Variants in ST3GAL3 observed in about 807,000 individuals in gnomAD.
The protein encoded by ST3GAL3 is ST3 beta-galactoside alpha-2,3-sialyltransferase 3.
ST3GAL3 carries 21 observed loss-of-function variants against 50.1 expected under a neutral mutation model. That is an observed-to-expected ratio of 0.42 (90% CI 0.30 to 0.60). ST3GAL3 has a LOEUF of 0.60. Among genes scored for constraint, ST3GAL3 ranks in the 20% least tolerant of loss-of-function variants. ST3GAL3 has a pLI of 0.19. For synonymous variants in ST3GAL3, 183 were observed against 190.0 expected (o/e 0.96, Z 0.30); for missense variants, 353 against 489.4 (o/e 0.72, Z 2.63).
chr1:43,862,547 C>T (rs1211415972), intron 5 of ST3GAL3, among the ~76,000 whole-genome samples: 1 of 151,968 alleles, frequency 6.6e-6, no homozygotes, highest in Admixed American at 6.6e-5. Context: ...TCTGCCATGT[C>T]CAGGCCCACT....
chr1:43,817,079 G>A (rs945588187), intron 4 of ST3GAL3, among the ~76,000 whole-genome samples: 2 of 152,184 alleles, frequency 1.3e-5, no homozygotes, highest in African/African-American at 2.4e-5. Context: ...TATAGGAAAG[G>A]ACCTGAACTT....
At position 43,882,855 on chromosome 1, in the gene ST3GAL3, A is replaced by G. The variant is rs139376877; in HGVS notation, c.303-11528A>G. The stretch of plus-strand genomic sequence containing the variant: ...TATAGGTCACTATCTTAGAGAAAAA[A>G]AGAGACTCCCACAGCCCCCAGCGTC... On this transcript the variant is annotated intron_variant, in intron 5 of 11. Transcript: ENST00000347631. 2.4e-3 allele frequency among the ~76,000 whole-genome samples: 364 copies of G among 152,292 alleles called. 1 individual carries two copies. The highest frequency in any genetic ancestry group is 8.4e-3 in the African/African-American group (350 of 41,552).
At chr1:43,911,204 C>G (rs1047163931) in intron 9 of ST3GAL3, 2 of 151,690 alleles carry the variant, frequency 1.3e-5, no homozygotes, top group African/African-American at 4.9e-5. Context: ...TGTAGTGGCA[C>G]GATCTCAGCT....
chr1:43,843,814 C>G (rs543877340), intron 5 of ST3GAL3, among the ~76,000 whole-genome samples: 13 of 152,318 alleles, frequency 8.5e-5, no homozygotes, highest in Non-Finnish European at 1.6e-4. Context: ...TCAGCAGACA[C>G]TAATGGGTGT....
chr1:43,832,790 C>T (rs1246513009), intron 4 of ST3GAL3, among the ~76,000 whole-genome samples: 1 of 152,180 alleles, frequency 6.6e-6, no homozygotes, highest in African/African-American at 2.4e-5. Context: ...TTTCCCTCCT[C>T]ATGTCATTAT....
chr1:43,926,260 C>T (rs1405954319), intron 11 of ST3GAL3, among the ~76,000 whole-genome samples: 7 of 152,124 alleles, frequency 4.6e-5, no homozygotes, highest in Non-Finnish European at 8.8e-5. Context: ...GACCCTTGAA[C>T]GTGGATACTT....
chr1:43,766,606 G>A (rs1350359352), intron 2 of ST3GAL3, among the ~76,000 whole-genome samples: 2 of 152,074 alleles, frequency 1.3e-5, no homozygotes, highest in African/African-American at 2.4e-5. Context: ...GTGGGGGGCG[G>A]GGAGTAGTGA....
chr1:43,832,972 G>A (rs941956497), intron 4 of ST3GAL3, among the ~76,000 whole-genome samples: 2 of 152,140 alleles, frequency 1.3e-5, no homozygotes, highest in African/African-American at 2.4e-5. Flanking sequence ...TTAAGCTGCT[G>A]GGTTGTTAGG....
At position 43,728,482 on chromosome 1, in the gene ST3GAL3, C is replaced by T. The variant is rs183759940; in HGVS notation, c.-30-7751C>T. Among the ~76,000 whole-genome samples, 24 of 152,236 alleles carry T rather than the reference C, an allele frequency of 1.6e-4. No homozygotes were observed. The East Asian group carries it at 2.5e-3, about 16-fold the overall frequency. ...TTGGGGGGGTGGGCACAGTGGCGCA[C>T]GCCTGTAATCCCAGCACTTTGGGAG... On this transcript the variant is annotated intron_variant, in intron 1 of 11. Coordinates refer to ENST00000347631, the MANE Select transcript of ST3GAL3 (RefSeq NM_006279.5).
intron 1 of ST3GAL3, among the ~76,000 whole-genome samples, chr1:43,722,707 G>T (rs1671070180): frequency 6.6e-6 from 1 of 152,152 alleles, no homozygotes; most frequent in Non-Finnish European, 1.5e-5. Context: ...GAGTGAGGAG[G>T]AGTCTAGTGT....
At chr1:43,912,098 G>A (rs1227557485) in intron 9 of ST3GAL3, 1 of 152,186 alleles carries the variant, frequency 6.6e-6, no homozygotes, top group Non-Finnish European at 1.5e-5. Context: ...AACCTACATG[G>A]ATATGGTGGC....
At chr1:43,901,777 T>G (rs927650756) in intron 9 of ST3GAL3, among the ~76,000 whole-genome samples, 1 of 152,140 alleles carries the variant, frequency 6.6e-6, no homozygotes, top group African/African-American at 2.4e-5. Context: ...AGCCTTGTAT[T>G]GGTGAGAACT....
chr1:43,710,363 T>C (rs1664070410), intron 1 of ST3GAL3, among the ~76,000 whole-genome samples: 1 of 152,216 alleles, frequency 6.6e-6, no homozygotes, highest in African/African-American at 2.4e-5. Context: ...ATTATAGGCA[T>C]GAGCCACCAT....
At chr1:43,856,895 T>C (rs2068500202) in intron 5 of ST3GAL3, among the ~76,000 whole-genome samples, 1 of 152,188 alleles carries the variant, frequency 6.6e-6, no homozygotes, top group Non-Finnish European at 1.5e-5. Flanking sequence ...TTGCTCTATC[T>C]TCCAATTCTC....
intron 5 of ST3GAL3, among the ~76,000 whole-genome samples, chr1:43,862,062 C>A (rs562204704): frequency 2.0e-4 from 30 of 151,768 alleles, no homozygotes; most frequent in African/African-American, 6.8e-4. Context: ...ACAACTACTG[C>A]TTTTACTTCA....
At chr1:43,756,117 AAGAAG>A (rs1687989655) in intron 2 of ST3GAL3, among the ~76,000 whole-genome samples, 1 of 91,132 alleles carries the variant, frequency 1.1e-5, no homozygotes, top group African/African-American at 3.0e-5. Flanking sequence ...AAAAAAAAAA[AAGAAG>A]AAGAAGAAAA....
At chr1:43,871,573 G>A (rs564678399) in intron 5 of ST3GAL3, among the ~76,000 whole-genome samples, 3 of 126,372 alleles carry the variant, frequency 2.4e-5, no homozygotes, top group South Asian at 6.2e-4. Context: ...GTATGGGAGA[G>A]GATGGGGTGT....
intron 11 of ST3GAL3, among the ~76,000 whole-genome samples, chr1:43,924,541 T>C (rs1179141049): frequency 1.3e-5 from 2 of 152,160 alleles, no homozygotes; most frequent in African/African-American, 4.8e-5. Flanking sequence ...ATGGGTGAGT[T>C]TGAGGCCTTA....
At chr1:43,781,933 C>G (rs950223270) in intron 2 of ST3GAL3, among the ~76,000 whole-genome samples, 4 of 152,204 alleles carry the variant, frequency 2.6e-5, no homozygotes, top group Admixed American at 1.3e-4. Context: ...TTAAGTCAAA[C>G]TGCAATGAAT....
Sources: gnomAD v4.1 joint callset for allele counts (sites outside exome capture counted in the v4.1 genomes callset) on GRCh38, gnomAD v4.1.1 for gene constraint, MANE v1.5 for transcripts, NCBI Gene and HGNC (gene_info 2026-07-23, HGNC 2026-07-21) for gene names.